The following ZNF503 variants were observed in gnomAD, a reference collection of about 807,000 sequenced individuals.
The protein encoded by ZNF503 is zinc finger protein 503.
A neutral mutation model predicts 34.4 loss-of-function variants in ZNF503; 15 were observed. The ratio of observed to expected loss-of-function variants is 0.44; its 90% CI spans 0.29 to 0.67. ZNF503 has a LOEUF of 0.67. ZNF503 is among the 30% of genes least tolerant of loss of function. The pLI is 0.13. For synonymous variants in ZNF503, 580 were observed against 456.8 expected, an observed-to-expected ratio of 1.27 and a Z score of -3.44; for missense variants, 1,007 against 926.8, an observed-to-expected ratio of 1.09 and a Z score of -1.12.
the ZNF503 span, among the ~76,000 whole-genome samples, chr10:75,392,106 A>T: frequency 1.3e-5 from 2 of 152,248 alleles, no homozygotes; most frequent in Non-Finnish European, 2.9e-5. Flanking sequence ...GGACCAGCAC[A>T]GTGTTACTTT....
At chr10:75,318,464 T>C in the ZNF503 span, among the ~76,000 whole-genome samples, 2 of 151,796 alleles carry the variant, frequency 1.3e-5, no homozygotes, top group Non-Finnish European at 2.9e-5. Context: ...AGCCCAAGAA[T>C]TTGATGCCAG....
chr10:75,354,351 G>A, the ZNF503 span, among the ~76,000 whole-genome samples: 147 of 152,312 alleles, frequency 9.7e-4, no homozygotes, highest in Admixed American at 2.2e-3. Flanking sequence ...GGACAAAGTC[G>A]TAGAAAAACA....
the ZNF503 span, among the ~76,000 whole-genome samples, chr10:75,291,724 A>G: frequency 6.6e-6 from 1 of 152,180 alleles, no homozygotes; most frequent in South Asian, 2.1e-4. Flanking sequence ...GGTCTCTCCC[A>G]TTGGTCCAGG....
At chr10:75,321,655 C>T in the ZNF503 span, among the ~76,000 whole-genome samples, 1 of 152,200 alleles carries the variant, frequency 6.6e-6, no homozygotes, top group South Asian at 2.1e-4. Context: ...TGCCCCTGCC[C>T]TAGGGATCTT....
At chr10:75,385,476 G>A in the ZNF503 span, among the ~76,000 whole-genome samples, 5 of 152,218 alleles carry the variant, frequency 3.3e-5, no homozygotes, top group African/African-American at 4.8e-5. Flanking sequence ...TGGGCCAGGA[G>A]TTGTCTGAAC....
chr10:75,360,389 G>A, the ZNF503 span, among the ~76,000 whole-genome samples: 1 of 152,126 alleles, frequency 6.6e-6, no homozygotes, highest in Non-Finnish European at 1.5e-5. Flanking sequence ...GCCTCCCAAA[G>A]TGCTGGGATT....
chr10:75,375,322 C>T, the ZNF503 span, among the ~76,000 whole-genome samples: 9 of 151,744 alleles, frequency 5.9e-5, no homozygotes, highest in African/African-American at 9.7e-5. Flanking sequence ...GGGGTTTCAC[C>T]GTGTTAGCCA....
rs747586014 is a variant in ZNF503 at position 75,399,157 on chromosome 10, T to C, written c.1533A>G (p.Pro511=). Residue 511 remains proline, a synonymous_variant, in exon 2 of 2, where the codon CCA becomes CCG. Transcript: ENST00000372524. ...YPYGFMLPND[P]LPHICNWVSA... The stretch of plus-strand genomic sequence containing the variant: ...ACACCCAGTTGCAGATGTGGGGGAG[T>C]GGGTCGTTAGGGAGCATAAAGCCGT... 6.2e-7 allele frequency: 1 copy of C among 1,610,562 alleles called. No individual in the cohort carries two copies.
the ZNF503 span, among the ~76,000 whole-genome samples, chr10:75,383,273 G>A: frequency 6.6e-6 from 1 of 152,124 alleles, no homozygotes; most frequent in Non-Finnish European, 1.5e-5. Context: ...TAGGGCTGGG[G>A]AAAAACCAGA....
At chr10:75,295,218 C>T in the ZNF503 span, among the ~76,000 whole-genome samples, 5 of 150,892 alleles carry the variant, frequency 3.3e-5, no homozygotes, top group African/African-American at 4.8e-5. This position sits in a 1 kb window ranked among gnomAD's most constrained non-coding sequence, Gnocchi z 4.0. Flanking sequence ...GCCTGGGCGA[C>T]CCCCGGGAGG....
chr10:75,374,886 A>T, the ZNF503 span, among the ~76,000 whole-genome samples: 1 of 152,216 alleles, frequency 6.6e-6, no homozygotes, highest in African/African-American at 2.4e-5. Context: ...GAGGGATAAA[A>T]GTCCCCAAGC....
chr10:75,395,100 G>A (rs995315428), downstream of ZNF503, among the ~76,000 whole-genome samples: 2 of 152,210 alleles, frequency 1.3e-5, no homozygotes, highest in Non-Finnish European at 2.9e-5. The surrounding 1 kb of genome is among the most constrained non-coding windows in gnomAD (Gnocchi z 4.4). Context: ...AGGAGTGGGC[G>A]CTAGGAAATC....
At chr10:75,354,704 T>C in the ZNF503 span, among the ~76,000 whole-genome samples, 1 of 152,130 alleles carries the variant, frequency 6.6e-6, no homozygotes, top group Non-Finnish European at 1.5e-5. Flanking sequence ...AGCAAGACCC[T>C]GTCTCTTAAA....
chr10:75,333,300 C>CT, the ZNF503 span, among the ~76,000 whole-genome samples: 1 of 76,754 alleles, frequency 1.3e-5, no homozygotes, highest in African/African-American at 5.7e-5. Flanking sequence ...CCCCACCTCC[C>CT]TCCCGGACGG....
rs577402851 is a variant in ZNF503 at position 75,401,466 on chromosome 10, G to C, written c.-47C>G. On this transcript the variant is annotated 5_prime_UTR_variant, in exon 1 of 2. Coordinates refer to ENST00000372524, the MANE Select transcript of ZNF503 (RefSeq NM_032772.6). ...GCAGCGGGGGGGAGGGCTCCGGGAG[G>C]CGCGGGGCGGGCTCGGGGCTGCGCG... 1 of 1,503,934 alleles carries C rather than the reference G, an allele frequency of 6.6e-7. No homozygotes were observed. The highest frequency in any genetic ancestry group is 1.2e-5 in the South Asian group (1 of 80,644). The allele number at this position is 1,503,934 out of a possible 1,614,324, so 93.2% of individuals were successfully genotyped here.
the ZNF503 span, among the ~76,000 whole-genome samples, chr10:75,297,551 G>A: frequency 3.3e-5 from 5 of 152,148 alleles, no homozygotes; most frequent in Non-Finnish European, 7.3e-5. Flanking sequence ...ACAGAAACTT[G>A]CTCAGGCTAG....
chr10:75,325,571 T>C, the ZNF503 span, among the ~76,000 whole-genome samples: 1 of 152,210 alleles, frequency 6.6e-6, no homozygotes. Context: ...TATTTCTACT[T>C]TTTGAAATTG....
rs1370610175 is a variant in ZNF503, at chr10:75,400,079, C to A, written c.611G>T (p.Gly204Val). The A allele has an allele frequency of 6.5e-7, 1 of 1,546,552 alleles. No homozygotes were observed. The highest frequency in any genetic ancestry group is 8.7e-7 in the Non-Finnish European group (1 of 1,147,578). Residue 204 changes from glycine (G) to valine (V), a missense_variant, in exon 2 of 2, where the codon GGT (glycine) becomes GTT (valine). Physicochemically the swap from Gly to Val is moderately radical, Grantham distance 109. Transcript: ENST00000372524. ...GGGGGGGGGG[G>V]VSSEKSGFRV... ...GAATCCCGACTTCTCCGACGAAACACCCCCGCCGCCGCCCCCGCCACCGCC... is the reference window on the plus strand; with the variant it reads ...GAATCCCGACTTCTCCGACGAAACAACCCCGCCGCCGCCCCCGCCACCGCC...
the ZNF503 span, among the ~76,000 whole-genome samples, chr10:75,331,243 TC>T: frequency 6.6e-6 from 1 of 152,230 alleles, no homozygotes; most frequent in African/African-American, 2.4e-5. Context: ...TGGAGAATGT[TC>T]CATGTGCTGA....
Sources: allele counts gnomAD v4.1 joint callset (sites outside exome capture counted in the v4.1 genomes callset), GRCh38; gene constraint gnomAD v4.1.1; non-coding constraint Gnocchi (gnomAD v3.1); transcripts MANE v1.5; gene names NCBI Gene and HGNC (gene_info 2026-07-23, HGNC 2026-07-21).